PRKCA: variants seen among roughly 807,000 people sequenced by gnomAD.
The protein encoded by PRKCA is protein kinase C alpha type.
PRKCA carries 27 observed loss-of-function variants against 87.0 expected under a neutral mutation model. The observed-to-expected ratio is 0.31, with a 90% CI of 0.23 to 0.43. PRKCA has a LOEUF of 0.43. Among genes scored for constraint, PRKCA ranks in the 20% least tolerant of loss-of-function variants. PRKCA has a pLI of 1.00. For synonymous variants in PRKCA, 329 were observed against 311.1 expected (o/e 1.06, Z -0.61); for missense variants, 518 against 852.3 (o/e 0.61, Z 4.88).
At chr17:66,585,614 G>A (rs983439049) in intron 3 of PRKCA, among the ~76,000 whole-genome samples, 7 of 152,192 alleles carry the variant, frequency 4.6e-5, no homozygotes, top group Admixed American at 2.0e-4. Flanking sequence ...TGACCACCAG[G>A]CAGGTGTTTC....
chr17:66,460,657 T>C (rs1449807635), intron 2 of PRKCA, among the ~76,000 whole-genome samples: 1 of 152,184 alleles, frequency 6.6e-6, no homozygotes, highest in Admixed American at 6.5e-5. Flanking sequence ...CACCTTTGAA[T>C]GTTGCTGGGT....
chr17:66,602,652 TGTA>T (rs1294972867), intron 3 of PRKCA, among the ~76,000 whole-genome samples: 1 of 152,238 alleles, frequency 6.6e-6, no homozygotes. Flanking sequence ...TGAGGGATGT[TGTA>T]GTATAGCCAC....
intron 2 of PRKCA, among the ~76,000 whole-genome samples, chr17:66,386,635 C>A (rs1910075937): frequency 6.6e-6 from 1 of 152,184 alleles, no homozygotes. Flanking sequence ...CCTTTGCACA[C>A]TTGAGAGTAA....
intron 2 of PRKCA, among the ~76,000 whole-genome samples, chr17:66,389,948 G>A (rs530988182): frequency 6.6e-6 from 1 of 152,254 alleles, no homozygotes; most frequent in Non-Finnish European, 1.5e-5. Flanking sequence ...AAGAGGCCGG[G>A]CGCAGTGGCT....
chr17:66,713,957 G>T (rs1298654883), intron 8 of PRKCA, among the ~76,000 whole-genome samples: 2 of 152,114 alleles, frequency 1.3e-5, no homozygotes, highest in African/African-American at 4.8e-5. Context: ...CTTACTAGGG[G>T]TATTCGTTTT....
At chr17:66,498,747 G>A (rs900618951) in intron 3 of PRKCA, among the ~76,000 whole-genome samples, 3 of 152,200 alleles carry the variant, frequency 2.0e-5, no homozygotes, top group African/African-American at 7.2e-5. Context: ...CAAAAGGAAG[G>A]GTGTGTGTGT....
chr17:66,313,826 A>G (rs1269039899), intron 2 of PRKCA, among the ~76,000 whole-genome samples: 1 of 152,212 alleles, frequency 6.6e-6, no homozygotes, highest in Non-Finnish European at 1.5e-5. Flanking sequence ...TTTAATATGC[A>G]AGTAAATGTA....
In PRKCA at chr17:66,560,649, C is replaced by CTTTG. The variant is rs542673901; in HGVS notation, c.288+64366_288+64367insTTTG. Among the ~76,000 whole-genome samples the CTTTG allele has an allele frequency of 2.6e-5, 4 of 152,276 alleles. No individual in the cohort carries two copies. In the South Asian group the frequency reaches 8.3e-4, roughly 32 times the overall value. On this transcript the variant is annotated intron_variant, in intron 3 of 16. Coordinates refer to ENST00000413366, the MANE Select transcript of PRKCA (RefSeq NM_002737.3). ...TGAGTGACTCAAAGGAGATAATGTACCAAACACTTTGTAAGCCCTATGACA... is the reference window on the plus strand; with the variant it reads ...TGAGTGACTCAAAGGAGATAATGTACTTTGCAAACACTTTGTAAGCCCTATGACA...
chr17:66,639,240 T>C (rs1273889917), intron 3 of PRKCA: 1 of 152,130 alleles, frequency 6.6e-6, no homozygotes, highest in Non-Finnish European at 1.5e-5. Flanking sequence ...GAATATGAAA[T>C]TGTTTTATAG....
At chr17:66,668,564 A>G (rs1051215358) in intron 5 of PRKCA, among the ~76,000 whole-genome samples, 1 of 152,222 alleles carries the variant, frequency 6.6e-6, no homozygotes, top group African/African-American at 2.4e-5. Flanking sequence ...CAAGTTCTCT[A>G]GTGTCCCAGT....
intron 3 of PRKCA, among the ~76,000 whole-genome samples, chr17:66,637,917 C>T (rs1222909048): frequency 6.6e-6 from 1 of 152,104 alleles, no homozygotes; most frequent in Non-Finnish European, 1.5e-5. Flanking sequence ...AACCCTTGTC[C>T]TAAAGCAGGG....
chr17:66,767,845 G>C (rs929559568), intron 13 of PRKCA, among the ~76,000 whole-genome samples: 8 of 152,188 alleles, frequency 5.3e-5, no homozygotes, highest in Non-Finnish European at 1.2e-4. Flanking sequence ...ATGTAGGGGA[G>C]CACATGGGCT....
intron 2 of PRKCA, among the ~76,000 whole-genome samples, chr17:66,345,487 C>G (rs2143385033): frequency 6.6e-6 from 1 of 152,288 alleles, no homozygotes; most frequent in Non-Finnish European, 1.5e-5. Flanking sequence ...CCCGGGTCAT[C>G]CTGCCAATAG....
chr17:66,645,396 C>T lies in PRKCA; in HGVS notation c.414C>T (p.Asn138=), dbSNP rs766036917. 1.9e-6 allele frequency: 3 copies of T among 1,614,178 alleles called. No homozygotes were observed. Among genetic ancestry groups the T allele is most frequent in the South Asian group, 1.1e-5 (1 of 91,088 alleles). ...CTTGATTCACAGCCTGCGATATGAACGTTCACAAGCAATGCGTCATCAATG... is the reference window on the plus strand; with the variant it reads ...CTTGATTCACAGCCTGCGATATGAATGTTCACAAGCAATGCGTCATCAATG... ...QGMKCDTCDM[N]VHKQCVINVP... is the part of the protein sequence containing the mutation. Residue 138 remains asparagine, a synonymous_variant, in exon 5 of 17, where the codon AAC becomes AAT. Coordinates refer to ENST00000413366, the MANE Select transcript of PRKCA (RefSeq NM_002737.3).
chr17:66,658,046 C>T (rs1971783443), intron 5 of PRKCA, among the ~76,000 whole-genome samples: 1 of 152,148 alleles, frequency 6.6e-6, no homozygotes, highest in Non-Finnish European at 1.5e-5. Flanking sequence ...GTTTAATTGA[C>T]TCACAGTTCT....
At chr17:66,310,055 AT>A (rs1044408098) in intron 2 of PRKCA, among the ~76,000 whole-genome samples, 2 of 151,750 alleles carry the variant, frequency 1.3e-5, no homozygotes, top group African/African-American at 2.4e-5. Context: ...AGCCAACTCG[AT>A]TTTTTTCCCC....
chr17:66,774,300 G>A, intron 14 of PRKCA: 1 of 1,366,072 alleles, frequency 7.3e-7, no homozygotes, highest in Non-Finnish European at 9.5e-7. Flanking sequence ...AACCTGGAGT[G>A]TAGACAGTGT....
intron 2 of PRKCA, among the ~76,000 whole-genome samples, chr17:66,455,868 G>A (rs764693518): frequency 4.6e-5 from 7 of 152,088 alleles, no homozygotes; most frequent in Non-Finnish European, 7.4e-5. Flanking sequence ...TCTCTGTACT[G>A]GGCTGAACAA....
chr17:66,391,733 C>T (rs1340562522), intron 2 of PRKCA, among the ~76,000 whole-genome samples: 2 of 152,124 alleles, frequency 1.3e-5, no homozygotes, highest in African/African-American at 2.4e-5. Context: ...GTTGAAAGTA[C>T]AGAGCAATGA....
Sources: gnomAD v4.1 joint callset for allele counts (sites outside exome capture counted in the v4.1 genomes callset) on GRCh38, gnomAD v4.1.1 for gene constraint, MANE v1.5 for transcripts, NCBI Gene and HGNC (gene_info 2026-07-23, HGNC 2026-07-21) for gene names.